Variants in FAM185A observed in about 807,000 individuals in gnomAD.
The protein encoded by FAM185A is family with sequence similarity 185 member A, also known as protein FAM185A.
In FAM185A, 21 loss-of-function variants were observed where a neutral mutation model predicts 45.7. That is an observed-to-expected ratio of 0.46 (90% confidence interval 0.33 to 0.66). The LOEUF (loss-of-function observed/expected upper bound fraction) is 0.66. Ranked by LOEUF, FAM185A falls within the 30% of genes least tolerant of loss-of-function variation. FAM185A has a pLI of 0.03. For missense variants in FAM185A, 305 were observed against 485.4 expected (o/e 0.63, Z 3.49); for synonymous variants, 117 against 194.0 (o/e 0.60, Z 3.30).
the FAM185A span, among the ~76,000 whole-genome samples, chr7:102,818,962 C>T: frequency 2.6e-3 from 395 of 152,246 alleles, 1 homozygote; most frequent in Admixed American, 3.6e-3. Context: ...CACCCTCCAC[C>T]CTCTGACAGG....
the FAM185A span, among the ~76,000 whole-genome samples, chr7:102,820,290 G>A: frequency 2.6e-5 from 4 of 152,210 alleles, no homozygotes; most frequent in African/African-American, 7.2e-5. Context: ...GTCTCTGCCT[G>A]CTTCTTGTGC....
chr7:102,837,793 T>G, the FAM185A span, among the ~76,000 whole-genome samples: 3 of 152,234 alleles, frequency 2.0e-5, no homozygotes, highest in African/African-American at 7.2e-5. Context: ...TCCTTCCTCC[T>G]TGGCTTCCCA....
the FAM185A span, among the ~76,000 whole-genome samples, chr7:102,828,975 G>A: frequency 1.3e-5 from 2 of 152,172 alleles, no homozygotes; most frequent in Non-Finnish European, 2.9e-5. Context: ...TATAGAATGT[G>A]CTGGGGATGT....
the FAM185A span, among the ~76,000 whole-genome samples, chr7:102,825,527 A>G: frequency 6.6e-6 from 1 of 152,174 alleles, no homozygotes; most frequent in African/African-American, 2.4e-5. Flanking sequence ...GTTCTTATAA[A>G]TTACCCAGTT....
chr7:102,823,310 TC>T, the FAM185A span, among the ~76,000 whole-genome samples: 2 of 151,952 alleles, frequency 1.3e-5, no homozygotes, highest in Non-Finnish European at 2.9e-5. Flanking sequence ...AAAATATATA[TC>T]CCCCAAAGTT....
chr7:102,830,852 C>G, the FAM185A span, among the ~76,000 whole-genome samples: 2 of 152,210 alleles, frequency 1.3e-5, no homozygotes, highest in Non-Finnish European at 2.9e-5. Flanking sequence ...CTTCCTTCTT[C>G]ATATTTTGCT....
the FAM185A span, among the ~76,000 whole-genome samples, chr7:102,837,029 G>C: frequency 1.7e-3 from 253 of 152,308 alleles, 1 homozygote; most frequent in African/African-American, 5.6e-3. Flanking sequence ...ATTTTTGGCT[G>C]CCCCAAAGGC....
At chr7:102,791,380 A>AGAT (rs1409538743) in intron 7 of FAM185A, among the ~76,000 whole-genome samples, 1 of 152,260 alleles carries the variant, frequency 6.6e-6, no homozygotes, top group African/African-American at 2.4e-5. Context: ...AGCTATCTTA[A>AGAT]ACTCAGCAAA....
the FAM185A span, among the ~76,000 whole-genome samples, chr7:102,828,881 T>G: frequency 1.3e-5 from 2 of 152,184 alleles, no homozygotes; most frequent in Non-Finnish European, 2.9e-5. Context: ...CCTTCTCAGA[T>G]GTACTTCACC....
At chr7:102,811,576 T>C (rs1797438040), downstream of FAM185A, among the ~76,000 whole-genome samples, 1 of 152,238 alleles carries the variant, frequency 6.6e-6, no homozygotes, top group Non-Finnish European at 1.5e-5. Flanking sequence ...TAAAGCAACC[T>C]GCTAGGTTTC....
At chr7:102,822,388 A>G in the FAM185A span, 3 of 703,140 alleles carry the variant, frequency 4.3e-6, no homozygotes, top group South Asian at 1.5e-5. Context: ...GGTACCTGCA[A>G]TTGGTGTCTT....
chr7:102,815,575 T>C, the FAM185A span, among the ~76,000 whole-genome samples: 1 of 152,270 alleles, frequency 6.6e-6, no homozygotes, highest in African/African-American at 2.4e-5. Context: ...TTCATAATCA[T>C]TCAATGCCAC....
At chr7:102,827,786 T>A in the FAM185A span, among the ~76,000 whole-genome samples, 9 of 152,258 alleles carry the variant, frequency 5.9e-5, no homozygotes, top group African/African-American at 1.9e-4. Context: ...GTTTGGTTTT[T>A]TGTCCTTGCG....
intron 6 of FAM185A, among the ~76,000 whole-genome samples, chr7:102,785,469 T>C (rs1423072324): frequency 0.015 from 1,784 of 122,376 alleles, no homozygotes; most frequent in African/African-American, 0.028. Flanking sequence ...ATGGTACTGG[T>C]ACCAAAACAG....
At chr7:102,776,069 A>G (rs1795035086) in intron 5 of FAM185A, among the ~76,000 whole-genome samples, 1 of 149,078 alleles carries the variant, frequency 6.7e-6, no homozygotes, top group Admixed American at 6.7e-5. Context: ...GTCAGTTAAC[A>G]TTTTTTTAAA....
chr7:102,846,902 T>C, the FAM185A span, among the ~76,000 whole-genome samples: 4 of 152,204 alleles, frequency 2.6e-5, no homozygotes, highest in East Asian at 7.7e-4. Flanking sequence ...GGTGGCTGTC[T>C]GCCTGCCCAG....
At chr7:102,786,818 T>TA in intron 6 of FAM185A, among the ~76,000 whole-genome samples, 1 of 128,056 alleles carries the variant, frequency 7.8e-6, no homozygotes, top group South Asian at 2.6e-4. Context: ...CCCTAAAACT[T>TA]AAAGTATAAT....
intron 6 of FAM185A, among the ~76,000 whole-genome samples, chr7:102,780,833 C>A (rs1292249871): frequency 2.0e-5 from 3 of 152,186 alleles, no homozygotes; most frequent in Admixed American, 2.0e-4. Context: ...GGGCGCAGCG[C>A]ACCGAGCGTG....
chr7:102,824,256 A>G, the FAM185A span, among the ~76,000 whole-genome samples: 1 of 152,238 alleles, frequency 6.6e-6, no homozygotes, highest in African/African-American at 2.4e-5. Flanking sequence ...CAACACAACT[A>G]CTTTTGATTC....
Sources: gnomAD v4.1 joint callset for allele counts (sites outside exome capture counted in the v4.1 genomes callset) on GRCh38, gnomAD v4.1.1 for gene constraint, MANE v1.5 for transcripts, NCBI Gene and HGNC (gene_info 2026-07-23, HGNC 2026-07-21) for gene names.